The following SLCO4A1 variants were observed in gnomAD, a reference collection of about 807,000 sequenced individuals.
SLCO4A1 encodes solute carrier organic anion transporter family member 4A1.
A neutral mutation model predicts 64.6 loss-of-function variants in SLCO4A1; 51 were observed. That is an observed-to-expected ratio of 0.79 (90% CI 0.63 to 1.00). The LOEUF is 1.00. Ranked by LOEUF, SLCO4A1 falls within the 50% of genes least tolerant of loss-of-function variation. The pLI is 0.00. For synonymous variants in SLCO4A1, 471 were observed against 444.9 expected (o/e 1.06, Z -0.74); for missense variants, 919 against 980.5 (o/e 0.94, Z 0.84).
At position 62,668,185 on chromosome 20, in the gene SLCO4A1, G is replaced by T. The variant is rs1391766353; in HGVS notation, c.1811+1G>T. 1 of 1,613,694 alleles carries T rather than the reference G, an allele frequency of 6.2e-7. No homozygotes were observed. Among genetic ancestry groups the T allele is most frequent in the Admixed American group, 1.7e-5 (1 of 60,026 alleles). On this transcript the variant is annotated splice_donor_variant, in intron 9 of 11. Transcript: ENST00000217159. LOFTEE classifies it high-confidence loss of function. ...TTCCTGCACTAACGGCAACTCTACGGTAAGCTGGGGTCGGGTGTGCGCTTG... is the reference window on the plus strand; with the variant it reads ...TTCCTGCACTAACGGCAACTCTACGTTAAGCTGGGGTCGGGTGTGCGCTTG...
chr20:62,679,121 T>C (rs1600694868), intron 2 of SLCO4A1, among the ~76,000 whole-genome samples: 1 of 152,054 alleles, frequency 6.6e-6, no homozygotes, highest in Admixed American at 6.5e-5. Context: ...GGAGAATCGC[T>C]TGAAGCTGGG....
chr20:62,674,148 T>C (rs949947364), downstream of SLCO4A1, among the ~76,000 whole-genome samples: 3 of 152,240 alleles, frequency 2.0e-5, no homozygotes, highest in South Asian at 2.1e-4. Context: ...CAGAGCTACG[T>C]CCCGTGGTCC....
At position 62,658,665 on chromosome 20, in the gene SLCO4A1, C is replaced by T. The variant is rs762684450; in HGVS notation, c.797-12C>T. On this transcript the variant is annotated splice_polypyrimidine_tract_variant and intron_variant, in intron 2 of 11. Coordinates refer to ENST00000217159, the MANE Select transcript of SLCO4A1 (RefSeq NM_016354.4). The stretch of plus-strand genomic sequence containing the variant: ...GTGCACAGCGGCCCTGACGCCTCTG[C>T]CTCTCTCGCAGCCATCTTCTACACA... The T allele has an allele frequency of 1.2e-6, 2 of 1,605,416 alleles. No individual in the cohort carries two copies. Among genetic ancestry groups the T allele is most frequent in the Non-Finnish European group, 1.7e-6 (2 of 1,176,242 alleles).
chr20:62,644,329 G>A lies in SLCO4A1; in HGVS notation c.-97+1776G>A, dbSNP rs757001803. ...CTGCTGGGCAAGGTCAGCAGGTGGT[G>A]CCTGGAAAATTCTTCATGAGGGAGC... On this transcript the variant is annotated intron_variant, in intron 1 of 11. Coordinates refer to ENST00000217159, the MANE Select transcript of SLCO4A1 (RefSeq NM_016354.4). The surrounding 1 kb of genome is among the most constrained non-coding windows in gnomAD (Gnocchi z 5.4). Among the ~76,000 whole-genome samples the A allele has an allele frequency of 6.6e-5, 10 of 152,248 alleles. No homozygotes were observed. Among genetic ancestry groups the A allele is most frequent in the Non-Finnish European group, 1.5e-4 (10 of 68,034 alleles).
chr20:62,668,804 C>T (rs1601675944), intron 10 of SLCO4A1, 126 bp from the exon 11 acceptor site: 4 of 1,003,492 alleles, frequency 4.0e-6, no homozygotes, highest in Non-Finnish European at 5.8e-6. Flanking sequence ...TCTTTGCACC[C>T]CCTGAGAACT....
At chr20:62,646,405 G>A (rs753626179) in intron 1 of SLCO4A1, among the ~76,000 whole-genome samples, 2 of 152,276 alleles carry the variant, frequency 1.3e-5, no homozygotes, top group Non-Finnish European at 1.5e-5. Flanking sequence ...AGGACAAAGA[G>A]AGCTGTGAAC....
At chr20:62,686,841 G>A (rs550299617), downstream of SLCO4A1, among the ~76,000 whole-genome samples, 4 of 150,958 alleles carry the variant, frequency 2.6e-5, no homozygotes, top group East Asian at 3.9e-4. Flanking sequence ...GGGTGCCCCC[G>A]AACAGGCACG....
At position 62,685,277 on chromosome 20, in the gene SLCO4A1, G is replaced by A. The variant is rs1988020380; in HGVS notation, n.212-164G>A. Among the ~76,000 whole-genome samples the A allele has an allele frequency of 7.1e-6, 1 of 141,260 alleles. No homozygotes were observed. Among genetic ancestry groups the A allele is most frequent in the South Asian group, 2.2e-4 (1 of 4,450 alleles). The allele number at this position is 141,260 out of a possible 152,430, so 92.7% of individuals were successfully genotyped here. A position where few individuals can be genotyped will look rare whatever the true frequency, so the allele number is the denominator to read the frequency against. On this transcript the variant is annotated intron_variant and non_coding_transcript_variant, in intron 2 of 2. Transcript: ENST00000466818. This position sits in a 1 kb window ranked among gnomAD's most constrained non-coding sequence, Gnocchi z 4.6. The stretch of plus-strand genomic sequence containing the variant: ...GGGGGTGGTGGGGAGTGGGGGCTGG[G>A]TCGGGGCTGGGCCCTGGCTGCCCTG...
At chr20:62,668,906 T>A (rs1318307744) in intron 10 of SLCO4A1, 24 bp from the exon 11 acceptor site, 4 of 1,596,386 alleles carry the variant, frequency 2.5e-6, no homozygotes, top group Non-Finnish European at 3.4e-6. Flanking sequence ...GGAGTGTGGG[T>A]GCTGAGTGGG....
chr20:62,666,861 G>T (rs1382267577), intron 7 of SLCO4A1: 9 of 391,688 alleles, frequency 2.3e-5, no homozygotes, highest in Non-Finnish European at 3.3e-5. Context: ...GTGTCAAATG[G>T]AACAACAGCC....
In SLCO4A1 at chr20:62,683,990, GC is replaced by G. The variant is rs1172925573; in HGVS notation, n.212-1450del. On this transcript the variant is annotated intron_variant and non_coding_transcript_variant, in intron 2 of 2. Transcript: ENST00000466818. ...ACGTGACCACGCGCTTCCCACACACGCTCACGCAACGATCTCACGTGACCAC... is the reference window on the plus strand; with the variant it reads ...ACGTGACCACGCGCTTCCCACACACGTCACGCAACGATCTCACGTGACCAC... 1.1e-3 allele frequency among the ~76,000 whole-genome samples: 5 copies of G among 4,458 alleles called. 1 individual carries two copies. The highest frequency in any genetic ancestry group is 6.3e-3 in the African/African-American group (5 of 792). 2.9% of individuals were successfully genotyped at this position (4,458 alleles called of 152,430 possible).
At position 62,658,427 on chromosome 20, in the gene SLCO4A1, G is replaced by A. The variant is rs116763956; in HGVS notation, c.797-250G>A. 3.9e-3 allele frequency among the ~76,000 whole-genome samples: 596 copies of A among 152,386 alleles called. 2 individuals carry two copies. Among genetic ancestry groups the A allele is most frequent in the African/African-American group, 0.013 (538 of 41,590 alleles). On this transcript the variant is annotated intron_variant, in intron 2 of 11. Transcript: ENST00000217159. ...ACGCCCTGCAAACGGGGCTTCGAGG[G>A]CCTTTGCCCTTTCGTAAGGGAAAGA...
Position 62,642,514 on chromosome 20 carries a change from C to G in SLCO4A1, c.-136C>G. ...CTGCCGGGGAGGCCAGAGCGTGGAG[C>G]GCTGCGCGGCGCGGCGGCCGGGCCC... On this transcript the variant is annotated 5_prime_UTR_variant, in exon 1 of 12. Transcript: ENST00000217159. 1 of 211,612 alleles carries G rather than the reference C, an allele frequency of 4.7e-6. No homozygotes were observed. Among genetic ancestry groups the G allele is most frequent in the Non-Finnish European group, 9.6e-6 (1 of 103,712 alleles). The allele number at this position is 211,612 out of a possible 1,614,324, so 13.1% of individuals were successfully genotyped here. A position where few individuals can be genotyped will look rare whatever the true frequency, so the allele number is the denominator to read the frequency against.
chr20:62,666,292 AC>A (rs1412846161), intron 6 of SLCO4A1, 87 bp from the exon 7 acceptor site: 2 of 1,175,404 alleles, frequency 1.7e-6, no homozygotes, highest in Non-Finnish European at 2.5e-6. Context: ...CAGTTTCCCC[AC>A]CTGTAAAGTG....
chr20:62,656,355 A>G lies in SLCO4A1; in HGVS notation c.-96-4A>G. ...AGCTTGCTAACCAGACATTCTTCTC[A>G]CAGGACACACCAGCCCCTCGGATAC... is the stretch of plus-strand genomic sequence containing the variant. On this transcript the variant is annotated splice_region_variant and splice_polypyrimidine_tract_variant and intron_variant, in intron 1 of 11. Coordinates refer to ENST00000217159, the MANE Select transcript of SLCO4A1 (RefSeq NM_016354.4). 2 of 1,032,724 alleles carry G rather than the reference A, an allele frequency of 1.9e-6. No individual in the cohort carries two copies. Among genetic ancestry groups the G allele is most frequent in the Non-Finnish European group, 2.7e-6 (2 of 731,912 alleles). The allele number at this position is 1,032,724 out of a possible 1,614,324, so 64.0% of individuals were successfully genotyped here. A position where few individuals can be genotyped will look rare whatever the true frequency, so the allele number is the denominator to read the frequency against.
At position 62,661,039 on chromosome 20, in the gene SLCO4A1, C is replaced by CCCCCCCCCCCCCCCCCA; in HGVS notation, c.1010-23_1010-22insCCCCCCCCCCCCCCACC. On this transcript the variant is annotated intron_variant, in intron 4 of 11. Coordinates refer to ENST00000217159, the MANE Select transcript of SLCO4A1 (RefSeq NM_016354.4). This position sits in a 1 kb window ranked among gnomAD's most constrained non-coding sequence, Gnocchi z 5.2. ...CCTCCGGGAGCCCCCAGCCCCCAGC[C>CCCCCCCCCCCCCCCCCA]CCAGCTCACTCTGTGCCCTTCCAGG... The CCCCCCCCCCCCCCCCCA allele has an allele frequency of 2.2e-6, 3 of 1,364,036 alleles. No homozygotes were observed. Among genetic ancestry groups the CCCCCCCCCCCCCCCCCA allele is most frequent in the Non-Finnish European group, 3.1e-6 (3 of 955,432 alleles). 84.5% of individuals were successfully genotyped at this position (1,364,036 alleles called of 1,614,324 possible).
At chr20:62,689,444 A>G (rs547166388), downstream of SLCO4A1, among the ~76,000 whole-genome samples, 1 of 152,354 alleles carries the variant, frequency 6.6e-6, no homozygotes, top group Admixed American at 6.5e-5. Context: ...CACTGAGGAT[A>G]CCAGCTGCCC....
intron 1 of SLCO4A1, among the ~76,000 whole-genome samples, chr20:62,651,118 G>T (rs556160696): frequency 1.6e-4 from 25 of 152,300 alleles, no homozygotes; most frequent in African/African-American, 5.8e-4. Flanking sequence ...CTGTCCCCTG[G>T]ATGGCAGGAG....
chr20:62,668,942 G>T lies in SLCO4A1; in HGVS notation c.1889G>T (p.Gly630Val). ...CTTCTCTCCGCAGGGGGCATCCCGG[G>T]GCCCATCGCCTTCGGCTGGGTGATC... Reference protein sequence around the residue: ...IVVRILGGIPGPIAFGWVIDK... With the variant: ...IVVRILGGIPVPIAFGWVIDK... The change falls in exon 11 of 12, where the codon GGG becomes GTG. Residue 630 changes from glycine (G) to valine (V), a missense_variant. Physicochemically the swap from Gly to Val is moderately radical, Grantham distance 109. Coordinates refer to ENST00000217159, the MANE Select transcript of SLCO4A1 (RefSeq NM_016354.4). 1 of 1,605,040 alleles carries T rather than the reference G, an allele frequency of 6.2e-7. No individual in the cohort carries two copies.
Sources: gnomAD v4.1 joint callset for allele counts (sites outside exome capture counted in the v4.1 genomes callset) on GRCh38, gnomAD v4.1.1 for gene constraint, Gnocchi (gnomAD v3.1) non-coding constraint, MANE v1.5 for transcripts, NCBI Gene and HGNC (gene_info 2026-07-23, HGNC 2026-07-21) for gene names.